RC3H2: variants seen among roughly 807,000 people sequenced by gnomAD.
RC3H2 encodes the protein ring finger and CCCH-type domains 2, also known as roquin-2.
In RC3H2, 31 loss-of-function variants were observed where a neutral mutation model predicts 133.3. That is an observed-to-expected ratio of 0.23 (90% CI 0.17 to 0.31). The LOEUF (loss-of-function observed/expected upper bound fraction) is 0.31, where lower values mean the gene tolerates loss of function less well. Ranked by LOEUF, RC3H2 falls within the 10% of genes least tolerant of loss-of-function variation. The pLI, the probability that RC3H2 is intolerant of heterozygous loss-of-function variation, is 1.00. For missense variants in RC3H2, 1,175 were observed against 1,437.2 expected (o/e 0.82, Z 2.95); for synonymous variants, 517 against 502.2 (o/e 1.03, Z -0.40).
intron 9 of RC3H2, among the ~76,000 whole-genome samples, chr9:122,871,165 T>G (rs1831070160): frequency 6.6e-6 from 1 of 152,260 alleles, no homozygotes; most frequent in Non-Finnish European, 1.5e-5. Flanking sequence ...AATGAGTTCC[T>G]GTTCCTGACT....
intron 9 of RC3H2, among the ~76,000 whole-genome samples, chr9:122,866,897 G>A (rs1830705412): frequency 6.8e-6 from 1 of 146,736 alleles, no homozygotes; most frequent in Non-Finnish European, 1.5e-5. Flanking sequence ...CCCTCTGCCT[G>A]GCTGCCCAGT....
In RC3H2 at chr9:122,845,632, G is replaced by A. The variant is rs1362187869; in HGVS notation, c.*3995C>T. On this transcript the variant is annotated 3_prime_UTR_variant, in exon 21 of 21. Coordinates refer to ENST00000357244, the MANE Select transcript of RC3H2 (RefSeq NM_001100588.3). ...ACTCCACTCAAATGTGGGGTGTTTT[G>A]ATCTGTGGTCTTGACGCCTTGTATT... 6.6e-6 allele frequency: 1 copy of A among 152,188 alleles called. No homozygotes were observed. Among genetic ancestry groups the A allele is most frequent in the African/African-American group, 2.4e-5 (1 of 41,436 alleles). 9.4% of individuals were successfully genotyped at this position (152,188 alleles called of 1,614,324 possible).
intron 2 of RC3H2, among the ~76,000 whole-genome samples, chr9:122,894,551 CCCTT>C (rs1352126985): frequency 6.6e-6 from 1 of 151,942 alleles, no homozygotes; most frequent in Non-Finnish European, 1.5e-5. Flanking sequence ...AGGATTGGCT[CCCTT>C]GAGAACTGTG....
intron 1 of RC3H2, 66 bp downstream of exon 1, chr9:122,905,044 C>A (rs1369120582): frequency 3.1e-6 from 3 of 973,716 alleles, no homozygotes; most frequent in Non-Finnish European, 3.7e-6. Context: ...TGGTCTCCCG[C>A]CCGACCGCCG....
At chr9:122,861,902 T>G (rs1425630208) in intron 10 of RC3H2, among the ~76,000 whole-genome samples, 2 of 152,182 alleles carry the variant, frequency 1.3e-5, no homozygotes, top group Non-Finnish European at 2.9e-5. Flanking sequence ...TAAAGATATT[T>G]TAGGACTGTG....
intron 9 of RC3H2, 106 bp downstream of exon 9, chr9:122,877,365 C>G (rs780412568): frequency 1.2e-6 from 1 of 843,336 alleles, no homozygotes; most frequent in Non-Finnish European, 1.9e-6. Context: ...GGTGCCCAGC[C>G]CTTAACTTGC....
intron 3 of RC3H2, 147 bp downstream of exon 3, chr9:122,892,762 C>T: frequency 1.6e-6 from 1 of 621,904 alleles, no homozygotes; most frequent in South Asian, 2.2e-5. Flanking sequence ...AATAGGACAA[C>T]ATAATTTTCT....
chr9:122,868,212 T>C (rs1198880187), intron 9 of RC3H2, among the ~76,000 whole-genome samples: 2 of 151,274 alleles, frequency 1.3e-5, no homozygotes, highest in South Asian at 4.2e-4. Flanking sequence ...GGAGCCCCTC[T>C]GCCCGGCCAC....
chr9:122,893,604 C>T (rs1832287609), intron 2 of RC3H2, among the ~76,000 whole-genome samples: 1 of 152,050 alleles, frequency 6.6e-6, no homozygotes, highest in South Asian at 2.1e-4. Flanking sequence ...TGTATCGATG[C>T]TAATTTCTTG....
rs1829931738 is a variant in RC3H2 at position 122,849,205 on chromosome 9, T to C, written c.*422A>G. 2 of 152,100 alleles carry C rather than the reference T, an allele frequency of 1.3e-5. No homozygotes were observed. The highest frequency in any genetic ancestry group is 2.9e-5 in the Non-Finnish European group (2 of 67,998). The allele number at this position is 152,100 out of a possible 1,614,324, so 9.4% of individuals were successfully genotyped here. ...AAACTTCTCTCAGTGAAACATAAAA[T>C]AGAAATAAATAAGTTAACTAAGTCT... On this transcript the variant is annotated 3_prime_UTR_variant, in exon 21 of 21. Coordinates refer to ENST00000357244, the MANE Select transcript of RC3H2 (RefSeq NM_001100588.3).
At position 122,859,019 on chromosome 9, in the gene RC3H2, A is replaced by C. The variant is rs754863552; in HGVS notation, c.1933T>G (p.Ser645Ala). 3.7e-6 allele frequency: 6 copies of C among 1,613,548 alleles called. No individual in the cohort carries two copies. Among genetic ancestry groups the C allele is most frequent in the Non-Finnish European group, 5.1e-6 (6 of 1,179,662 alleles). ...RFVRSNNVPE[S>A]SLPPASMPYA... is the part of the protein sequence containing the mutation. The stretch of plus-strand genomic sequence containing the variant: ...GGCATGGAAGCAGGTGGGAGGGAGG[A>C]CTCTGGAACGTTATTGGACCTCACA... The change falls in exon 12 of 21, where the codon TCC (serine) becomes GCC (alanine). Residue 645 changes from serine to alanine, a missense_variant. By Grantham distance (99) the Ser-to-Ala change is moderately conservative. Coordinates refer to ENST00000357244, the MANE Select transcript of RC3H2 (RefSeq NM_001100588.3).
At position 122,858,715 on chromosome 9, in the gene RC3H2, G is replaced by A. The variant is rs1588058125; in HGVS notation, c.2237C>T (p.Ala746Val). Residue 746 changes from alanine (A) to valine (V), a missense_variant, in exon 12 of 21, where the codon GCT becomes GTT. Physicochemically the swap from Ala to Val is moderately conservative, Grantham distance 64. Around this residue, in one of 8 missense-constraint regions of RC3H2, gnomAD observed 490 missense variants for 492.8 expected, o/e 0.99. Transcript: ENST00000357244. ...CCTTGGCTCACTTGGTGGCTGACAAGCCACCGAATAATATCCATCTAATGA... is the reference window on the plus strand; with the variant it reads ...CCTTGGCTCACTTGGTGGCTGACAAACCACCGAATAATATCCATCTAATGA... ...YNSLDGYYSV[A>V]CQPPSEPRTT... is the part of the protein sequence containing the mutation. 1 of 1,613,346 alleles carries A rather than the reference G, an allele frequency of 6.2e-7. No individual in the cohort carries two copies.
intron 1 of RC3H2, chr9:122,898,123 G>A (rs912489870): frequency 6.6e-6 from 1 of 152,298 alleles, no homozygotes; most frequent in African/African-American, 2.4e-5. Context: ...GAAGCAAAAT[G>A]AGGCACTGAA....
Position 122,905,300 on chromosome 9 carries a change from CCCTCCA to C in RC3H2, c.-264_-259del. On this transcript the variant is annotated 5_prime_UTR_variant, in exon 1 of 21. Coordinates refer to ENST00000357244, the MANE Select transcript of RC3H2 (RefSeq NM_001100588.3). ...GGCCGCGACGGGGCCTCCTCCTCCT[CCCTCCA>C]CCTCCGCCTCCTCCTCCTCCTCCTC... The C allele has an allele frequency of 1.0e-6, 1 of 977,744 alleles. No individual in the cohort carries two copies. The highest frequency in any genetic ancestry group is 1.2e-6 in the Non-Finnish European group (1 of 822,454). 60.6% of individuals were successfully genotyped at this position (977,744 alleles called of 1,614,324 possible). A position where few individuals can be genotyped will look rare whatever the true frequency, so the allele number is the denominator to read the frequency against.
intron 20 of RC3H2, among the ~76,000 whole-genome samples, chr9:122,850,299 T>A (rs188020593): frequency 1.3e-5 from 2 of 152,118 alleles, no homozygotes; most frequent in Admixed American, 1.3e-4. Flanking sequence ...TTCCAAAAGT[T>A]ATGATAAAAA....
At chr9:122,860,676 A>T (rs1830424008) in intron 10 of RC3H2, among the ~76,000 whole-genome samples, 1 of 151,934 alleles carries the variant, frequency 6.6e-6, no homozygotes, top group African/African-American at 2.4e-5. Context: ...AGCCTCACAA[A>T]GTGCTGGCAT....
chr9:122,868,839 ATGTGTGTGTGTGTGTGTGTGTG>A (rs36205979), intron 9 of RC3H2, among the ~76,000 whole-genome samples: 72,427 of 119,182 alleles, frequency 0.61, 24,283 homozygotes, highest in Middle Eastern at 0.73. Context: ...TCCCTCCTAT[ATGTGTGTGTGTGTGTGTGTGTG>A]TGTGTGTGTG....
In RC3H2 at chr9:122,855,295, T is replaced by A; in HGVS notation, c.2704A>T (p.Ile902Phe). 6.2e-7 allele frequency: 1 copy of A among 1,614,144 alleles called. No homozygotes were observed. The highest frequency in any genetic ancestry group is 8.5e-7 in the Non-Finnish European group (1 of 1,179,990). The change falls in exon 15 of 21, where the codon ATC becomes TTC. Residue 902 changes from isoleucine (I) to phenylalanine (F), a missense_variant. Coordinates refer to ENST00000357244, the MANE Select transcript of RC3H2 (RefSeq NM_001100588.3). ...CTGGAAATCGCACCCCATTTTGAGA[T>A]GATGGGTCCATCACTAAAGGGAATT... ...PIIPFSDGPIISKWGAISRSS... is the reference protein window; with the variant it reads ...PIIPFSDGPIFSKWGAISRSS...
chr9:122,880,354 G>T, intron 6 of RC3H2: 1 of 751,064 alleles, frequency 1.3e-6, no homozygotes, highest in Non-Finnish European at 2.3e-6. Flanking sequence ...TCAGAATATA[G>T]ATAAATTTGA....
Sources: gnomAD v4.1 joint callset for allele counts (sites outside exome capture counted in the v4.1 genomes callset) on GRCh38, gnomAD v4.1.1 for gene constraint, gnomAD v4.1.1 regional missense constraint, MANE v1.5 for transcripts, NCBI Gene and HGNC (gene_info 2026-07-23, HGNC 2026-07-21) for gene names.